The following DCC variants were observed in gnomAD, a reference collection of about 807,000 sequenced individuals.
DCC encodes the protein netrin receptor DCC.
Under a neutral mutation model 172.5 loss-of-function variants are expected in DCC, and 58 were observed. The ratio of observed to expected loss-of-function variants is 0.34; its 90% CI spans 0.27 to 0.42. The LOEUF (loss-of-function observed/expected upper bound fraction) is 0.42, where lower values mean the gene tolerates loss of function less well. Among genes scored for constraint, DCC ranks in the 10% least tolerant of loss-of-function variants. The probability of loss-of-function intolerance (pLI) is 1.00; values close to 1 mark genes in which losing one functional copy is unlikely to be tolerated. For missense variants in DCC, 1,740 were observed against 1,791.0 expected, an observed-to-expected ratio of 0.97 and a Z score of 0.51; for synonymous variants, 709 against 644.5, an observed-to-expected ratio of 1.10 and a Z score of -1.52.
chr18:52,834,294 C>A (rs1055352283), intron 2 of DCC, among the ~76,000 whole-genome samples: 1 of 152,184 alleles, frequency 6.6e-6, no homozygotes, highest in Non-Finnish European at 1.5e-5. Flanking sequence ...CGGAAACATA[C>A]AACATTTAAT....
intron 1 of DCC, among the ~76,000 whole-genome samples, chr18:52,413,395 TATG>T (rs1360630102): frequency 2.6e-5 from 4 of 151,766 alleles, no homozygotes; most frequent in South Asian, 2.1e-4. Flanking sequence ...GCATGTATAA[TATG>T]ATCATGTTTC....
At chr18:52,699,628 A>T (rs17749451) in intron 1 of DCC, among the ~76,000 whole-genome samples, 67,246 of 152,024 alleles carry the variant, frequency 0.44, 15,002 homozygotes, top group Non-Finnish European at 0.47. Flanking sequence ...ATCAGACCCA[A>T]TGTCCATGGC....
intron 1 of DCC, among the ~76,000 whole-genome samples, chr18:52,464,051 G>A (rs574585073): frequency 4.3e-4 from 66 of 152,014 alleles, no homozygotes; most frequent in Non-Finnish European, 5.0e-4. Flanking sequence ...ACATTTCATT[G>A]GTAACTTTGT....
At chr18:52,844,025 T>C (rs181404606) in intron 2 of DCC, among the ~76,000 whole-genome samples, 1 of 152,290 alleles carries the variant, frequency 6.6e-6, no homozygotes, top group Admixed American at 6.5e-5. Context: ...AGGTCTACTA[T>C]CTACCAATTT....
chr18:52,613,029 C>T (rs1188191220), intron 1 of DCC, among the ~76,000 whole-genome samples: 1 of 152,194 alleles, frequency 6.6e-6, no homozygotes, highest in Non-Finnish European at 1.5e-5. Context: ...AGCTGTTCTT[C>T]CTTCTCTACT....
intron 27 of DCC, among the ~76,000 whole-genome samples, chr18:53,500,405 C>CTTGATGA (rs1555679738): frequency 2.6e-5 from 4 of 152,166 alleles, no homozygotes; most frequent in Non-Finnish European, 5.9e-5. Context: ...AGATGGCCTC[C>CTTGATGA]TTGATGAGCA....
chr18:52,470,468 T>C (rs1052506891), intron 1 of DCC, among the ~76,000 whole-genome samples: 7 of 152,152 alleles, frequency 4.6e-5, no homozygotes, highest in South Asian at 4.2e-4. Context: ...TCTTGTAACA[T>C]TGAGGAAGGG....
chr18:52,418,647 T>G (rs1987130771), intron 1 of DCC, among the ~76,000 whole-genome samples: 1 of 152,062 alleles, frequency 6.6e-6, no homozygotes, highest in Non-Finnish European at 1.5e-5. Context: ...TCACAAGCAG[T>G]GGGTCCAACA....
At chr18:52,670,577 C>T (rs1403733291) in intron 1 of DCC, among the ~76,000 whole-genome samples, 4 of 152,092 alleles carry the variant, frequency 2.6e-5, no homozygotes, top group Non-Finnish European at 4.4e-5. Flanking sequence ...TGGTGGCTCA[C>T]GCCTGTAATC....
intron 5 of DCC, among the ~76,000 whole-genome samples, chr18:53,047,142 T>A (rs2042248497): frequency 6.8e-6 from 1 of 147,356 alleles, no homozygotes; most frequent in African/African-American, 2.5e-5. Flanking sequence ...ATCAACTATT[T>A]ATAACTCATG....
intron 5 of DCC, among the ~76,000 whole-genome samples, chr18:53,037,798 TCAC>T (rs1389917733): frequency 1.3e-5 from 2 of 151,674 alleles, no homozygotes; most frequent in African/African-American, 4.9e-5. Context: ...GTCACGAGAC[TCAC>T]TTCTTCTGTA....
chr18:52,710,234 A>G (rs1018407449), intron 1 of DCC, among the ~76,000 whole-genome samples: 3 of 152,236 alleles, frequency 2.0e-5, no homozygotes, highest in Non-Finnish European at 4.4e-5. Context: ...GTATAATCGT[A>G]AGACAGAATA....
chr18:52,622,928 G>C (rs1372347932), intron 1 of DCC, among the ~76,000 whole-genome samples: 1 of 152,152 alleles, frequency 6.6e-6, no homozygotes, highest in Non-Finnish European at 1.5e-5. Flanking sequence ...ACAGCTCCAT[G>C]TTTTAAATTC....
chr18:52,719,784 G>C (rs74561785), intron 1 of DCC, among the ~76,000 whole-genome samples: 10,642 of 152,136 alleles, frequency 0.07, 417 homozygotes, highest in Middle Eastern at 0.14. Flanking sequence ...GCCAGGTACC[G>C]ACTGGAGAAT....
chr18:52,479,909 A>AT (rs200035218), intron 1 of DCC, among the ~76,000 whole-genome samples: 1 of 152,014 alleles, frequency 6.6e-6, no homozygotes, highest in Non-Finnish European at 1.5e-5. Flanking sequence ...GTTCCATGCT[A>AT]TTTTTTGATT....
At chr18:53,501,819 G>A (rs2046103170) in intron 27 of DCC, among the ~76,000 whole-genome samples, 1 of 152,080 alleles carries the variant, frequency 6.6e-6, no homozygotes. Context: ...AATAACAAAA[G>A]GATACAATTT....
chr18:53,356,446 A>T (rs1012394885), intron 15 of DCC, among the ~76,000 whole-genome samples: 6 of 152,114 alleles, frequency 3.9e-5, no homozygotes, highest in African/African-American at 1.2e-4. Flanking sequence ...TTGTTCTAAC[A>T]TGCAGTTATG....
chr18:53,511,187 C>T (rs2046246737), intron 27 of DCC, among the ~76,000 whole-genome samples: 2 of 152,212 alleles, frequency 1.3e-5, no homozygotes, highest in Admixed American at 1.3e-4. Context: ...TACCCTTTCT[C>T]TCTCTAGGTT....
chr18:53,215,452 A>G (rs766748027), intron 11 of DCC, 96 bp from the exon 12 acceptor site: 1 of 1,012,388 alleles, frequency 9.9e-7, no homozygotes, highest in Non-Finnish European at 1.6e-6. Context: ...ATTATAAACT[A>G]TATAAACAAA....
Sources: gnomAD v4.1 joint callset for allele counts (sites outside exome capture counted in the v4.1 genomes callset) on GRCh38, gnomAD v4.1.1 for gene constraint, MANE v1.5 for transcripts, NCBI Gene and HGNC (gene_info 2026-07-23, HGNC 2026-07-21) for gene names.